RFC4: variants seen among roughly 807,000 people sequenced by gnomAD.
The protein encoded by RFC4 is replication factor C subunit 4.
In RFC4, 38 loss-of-function variants were observed where a neutral mutation model predicts 47.6. The observed-to-expected ratio is 0.80, with a 90% CI of 0.62 to 1.05. The LOEUF (loss-of-function observed/expected upper bound fraction) is 1.05, where lower values mean the gene tolerates loss of function less well. Among genes scored for constraint, RFC4 ranks in the 50% least tolerant of loss-of-function variants. The pLI is 0.00. For synonymous variants in RFC4, 164 were observed against 150.0 expected, an observed-to-expected ratio of 1.09 and a Z score of -0.68; for missense variants, 489 against 434.0, an observed-to-expected ratio of 1.13 and a Z score of -1.13.
At position 186,804,649 on chromosome 3, in the gene RFC4, A is replaced by C. The variant is rs529733956; in HGVS notation, c.65T>G (p.Val22Gly). Residue 22 changes from valine (V) to glycine (G), a missense_variant, in exon 2 of 11, where the codon GTA becomes GGA. By Grantham distance (109) the Val-to-Gly change is moderately radical. Transcript: ENST00000296273. Reference sequence around the variant, plus strand: ...TCCGCTACTTCCCGCACTGGCAGCTACTCCTCGATCCTTGGTCAGCGGGGG... The same window carrying C: ...TCCGCTACTTCCCGCACTGGCAGCTCCTCCTCGATCCTTGGTCAGCGGGGG... ...TKPPLTKDRG[V>G]AASAGSSGEN... 2.2e-5 allele frequency: 35 copies of C among 1,613,654 alleles called. No individual in the cohort carries two copies. Among genetic ancestry groups the C allele is most frequent in the Non-Finnish European group, 2.9e-5 (34 of 1,179,954 alleles).
At chr3:186,801,063 G>A in intron 3 of RFC4, 54 bp downstream of exon 3, 3 of 1,286,148 alleles carry the variant, frequency 2.3e-6, no homozygotes, top group Admixed American at 1.7e-5. Flanking sequence ...GAAAGAGGGT[G>A]AATAAATTAA....
At chr3:186,805,306 G>C (rs1191633374) in intron 1 of RFC4, among the ~76,000 whole-genome samples, 1 of 152,048 alleles carries the variant, frequency 6.6e-6, no homozygotes, top group Non-Finnish European at 1.5e-5. Flanking sequence ...CTGCAGCCTT[G>C]ACATCCCAGG....
At chr3:186,792,647 G>A (rs1397475301) in intron 6 of RFC4, 37 bp from the exon 7 acceptor site, 49 of 1,590,578 alleles carry the variant, frequency 3.1e-5, no homozygotes, top group Non-Finnish European at 4.0e-5. Context: ...GGTGTCTAAA[G>A]AAAGAATTTC....
chr3:186,801,500 G>A, intron 2 of RFC4: 1 of 265,372 alleles, frequency 3.8e-6, no homozygotes, highest in Non-Finnish European at 7.2e-6. Context: ...AAATTAAAGT[G>A]GGGGATTAAG....
intron 2 of RFC4, 169 bp from the exon 3 acceptor site, chr3:186,801,364 C>T (rs1352694582): frequency 8.3e-6 from 5 of 600,056 alleles, no homozygotes; most frequent in African/African-American, 3.7e-5. Context: ...TTGTTTTTAC[C>T]GTAACCAAAC....
At chr3:186,798,773 T>C (rs1004976067) in intron 3 of RFC4, among the ~76,000 whole-genome samples, 6 of 152,146 alleles carry the variant, frequency 3.9e-5, no homozygotes, top group African/African-American at 1.2e-4. Flanking sequence ...AGGTCTCCTC[T>C]CCTATTCTCT....
intron 8 of RFC4, among the ~76,000 whole-genome samples, chr3:186,790,846 T>TA (rs956861304): frequency 1.3e-5 from 2 of 152,174 alleles, no homozygotes; most frequent in East Asian, 3.9e-4. Context: ...TCCAGAAAAT[T>TA]AAAGAGGATT....
intron 3 of RFC4, among the ~76,000 whole-genome samples, chr3:186,800,633 G>C (rs1383714099): frequency 6.6e-6 from 1 of 152,168 alleles, no homozygotes. Flanking sequence ...GCAGAAGAGA[G>C]AGCTATAAGC....
chr3:186,797,577 C>G lies in RFC4; in HGVS notation c.248G>C (p.Gly83Ala). The change falls in exon 4 of 11, where the codon GGA becomes GCA. Residue 83 changes from glycine to alanine, a missense_variant. Physicochemically the swap from Gly to Ala is moderately conservative, Grantham distance 60. Coordinates refer to ENST00000296273, the MANE Select transcript of RFC4 (RefSeq NM_002916.5). ...TGCTGCCAAAATAGTGGATGTTTTT[C>G]CAGTTCCAGGTGGTCCGTAAAACAA... ...NLLFYGPPGT[G>A]KTSTILAAAR... 1 of 1,611,924 alleles carries G rather than the reference C, an allele frequency of 6.2e-7. No individual in the cohort carries two copies.
At chr3:186,795,676 C>T (rs1377950299) in intron 4 of RFC4, among the ~76,000 whole-genome samples, 1 of 152,054 alleles carries the variant, frequency 6.6e-6, no homozygotes, top group African/African-American at 2.4e-5. Flanking sequence ...ACCTGTAGTG[C>T]CAGCTACTCA....
chr3:186,797,195 A>G (rs71539615), intron 4 of RFC4, among the ~76,000 whole-genome samples: 1 of 152,106 alleles, frequency 6.6e-6, no homozygotes, highest in African/African-American at 2.4e-5. Context: ...TGTGAACACA[A>G]TCATTAAGAG....
At chr3:186,805,964 T>C (rs1444607149) in intron 1 of RFC4, among the ~76,000 whole-genome samples, 1 of 152,192 alleles carries the variant, frequency 6.6e-6, no homozygotes, top group Non-Finnish European at 1.5e-5. Context: ...CTGAGTTAAA[T>C]AAAAGAATGT....
At position 186,790,082 on chromosome 3, in the gene RFC4, G is replaced by GA; in HGVS notation, c.997-19dup. On this transcript the variant is annotated intron_variant, in intron 10 of 10. Coordinates refer to ENST00000296273, the MANE Select transcript of RFC4 (RefSeq NM_002916.5). ...TCAACTTCCTACGAGAAAAATTTAAGAAATTAGCATCCTTCAGGTAGTTAA... is the reference window on the plus strand; with the variant it reads ...TCAACTTCCTACGAGAAAAATTTAAGAAAATTAGCATCCTTCAGGTAGTTAA... 1 of 1,609,852 alleles carries GA rather than the reference G, an allele frequency of 6.2e-7. No homozygotes were observed. The highest frequency in any genetic ancestry group is 8.5e-7 in the Non-Finnish European group (1 of 1,176,300).
intron 2 of RFC4, among the ~76,000 whole-genome samples, chr3:186,802,390 G>C (rs575586587): frequency 3.3e-4 from 50 of 152,186 alleles, no homozygotes; most frequent in African/African-American, 1.0e-3. Flanking sequence ...AAGATGAAAA[G>C]GGAAAACCAT....
intron 7 of RFC4, 76 bp downstream of exon 7, chr3:186,792,414 A>AAATCTTTCAGGGCCTCTTT: frequency 7.4e-7 from 1 of 1,354,196 alleles, no homozygotes. Flanking sequence ...ACACACATTT[A>AAATCTTTCAGGGCCTCTTT]AATCTTTCAG....
At position 186,796,681 on chromosome 3, in the gene RFC4, T is replaced by C. The variant is rs1010822744; in HGVS notation, c.290+854A>G. ...TTTTAGTAGAGATGGGGTTTCACCA[T>C]GTTGGCCAGGCTGGTTTCGAACTCC... On this transcript the variant is annotated intron_variant, in intron 4 of 10. Coordinates refer to ENST00000296273, the MANE Select transcript of RFC4 (RefSeq NM_002916.5). The surrounding 1 kb of genome is among the most constrained non-coding windows in gnomAD (Gnocchi z 4.2). Among the ~76,000 whole-genome samples the C allele has an allele frequency of 1.3e-5, 2 of 152,182 alleles. No homozygotes were observed. The highest frequency in any genetic ancestry group is 4.8e-5 in the African/African-American group (2 of 41,454).
At chr3:186,802,127 C>G (rs1722371332) in intron 2 of RFC4, among the ~76,000 whole-genome samples, 1 of 151,432 alleles carries the variant, frequency 6.6e-6, no homozygotes, top group African/African-American at 2.4e-5. Flanking sequence ...CTTTGGGAGG[C>G]AGATCACCTG....
At chr3:186,790,613 C>T (rs932090924) in intron 8 of RFC4, among the ~76,000 whole-genome samples, 2 of 152,196 alleles carry the variant, frequency 1.3e-5, no homozygotes, top group Non-Finnish European at 1.5e-5. Flanking sequence ...TTTTAAAGCC[C>T]TTTAATGGCT....
At chr3:186,804,521 G>A (rs1722432356) in intron 2 of RFC4, 62 bp downstream of exon 2, 5 of 1,408,428 alleles carry the variant, frequency 3.6e-6, no homozygotes, top group Middle Eastern at 1.9e-4. Flanking sequence ...AAAAAAAAGT[G>A]ATCAGTACTG....
Sources: gnomAD v4.1 joint callset for allele counts (sites outside exome capture counted in the v4.1 genomes callset) on GRCh38, gnomAD v4.1.1 for gene constraint, Gnocchi (gnomAD v3.1) non-coding constraint, MANE v1.5 for transcripts, NCBI Gene and HGNC (gene_info 2026-07-23, HGNC 2026-07-21) for gene names.